Variants in OGFRL1 observed in about 807,000 individuals in gnomAD.
The protein encoded by OGFRL1 is opioid growth factor receptor-like protein 1.
OGFRL1 carries 26 observed loss-of-function variants against 32.4 expected under a neutral mutation model. The observed-to-expected ratio is 0.80, with a 90% CI of 0.59 to 1.11. OGFRL1 has a LOEUF of 1.11. Among genes scored for constraint, OGFRL1 ranks in the 50% most tolerant of loss-of-function variants. The pLI is 0.00. For missense variants in OGFRL1, 521 were observed against 546.4 expected, an observed-to-expected ratio of 0.95 and a Z score of 0.46; for synonymous variants, 211 against 201.2, an observed-to-expected ratio of 1.05 and a Z score of -0.41.
chr6:71,301,344 A>G, intron 6 of OGFRL1, 42 bp from the exon 7 acceptor site: 6 of 1,470,978 alleles, frequency 4.1e-6, no homozygotes, highest in South Asian at 1.4e-5. Flanking sequence ...GCCTTCCTAC[A>G]CCTGATTTCC....
intron 6 of OGFRL1, among the ~76,000 whole-genome samples, chr6:71,298,273 T>C (rs2149355052): frequency 6.6e-6 from 1 of 152,198 alleles, no homozygotes; most frequent in South Asian, 2.1e-4. Context: ...ACAGAGTTTC[T>C]AAACACTTAT....
chr6:71,296,975 T>TAAAAC (rs1766231181), intron 6 of OGFRL1, among the ~76,000 whole-genome samples, 158 bp downstream of exon 6: 1 of 152,072 alleles, frequency 6.6e-6, no homozygotes, highest in Non-Finnish European at 1.5e-5. Flanking sequence ...TACCACATTC[T>TAAAAC]AAAACAAAAC....
In OGFRL1 at chr6:71,302,148, C is replaced by A; in HGVS notation, c.*99C>A. ...AGATGAGGTCAATTTCAAATTTTAG[C>A]CATCTGTTTGTGATTTCTGTCATAA... On this transcript the variant is annotated 3_prime_UTR_variant, in exon 7 of 7. Transcript: ENST00000370435. The A allele has an allele frequency of 9.2e-7, 1 of 1,085,704 alleles. No individual in the cohort carries two copies. Among genetic ancestry groups the A allele is most frequent in the Non-Finnish European group, 1.3e-6 (1 of 799,310 alleles). 67.3% of individuals were successfully genotyped at this position (1,085,704 alleles called of 1,614,324 possible). A position where few individuals can be genotyped will look rare whatever the true frequency, so the allele number is the denominator to read the frequency against.
intron 1 of OGFRL1, among the ~76,000 whole-genome samples, chr6:71,290,303 T>G (rs1472817054): frequency 6.6e-6 from 1 of 152,182 alleles, no homozygotes; most frequent in Non-Finnish European, 1.5e-5. Context: ...CTTGGACCTG[T>G]GGAATTCTGA....
intron 6 of OGFRL1, among the ~76,000 whole-genome samples, chr6:71,299,762 C>G (rs1352845813): frequency 6.6e-6 from 1 of 152,132 alleles, no homozygotes; most frequent in Non-Finnish European, 1.5e-5. Context: ...TAACTGTACC[C>G]AAATTTGTAT....
At chr6:71,292,950 C>T (rs923733120) in intron 1 of OGFRL1, among the ~76,000 whole-genome samples, 1 of 152,130 alleles carries the variant, frequency 6.6e-6, no homozygotes, top group African/African-American at 2.4e-5. Flanking sequence ...GAATCACTTG[C>T]ATAATCATCT....
At chr6:71,297,792 A>G (rs1249518826) in intron 6 of OGFRL1, among the ~76,000 whole-genome samples, 2 of 151,472 alleles carry the variant, frequency 1.3e-5, no homozygotes, top group African/African-American at 2.4e-5. Flanking sequence ...GGGTATAAAT[A>G]TATATATTTT....
At position 71,301,534 on chromosome 6, in the gene OGFRL1, G is replaced by C; in HGVS notation, c.841G>C (p.Glu281Gln). Reference sequence around the variant, plus strand: ...TCCCAATATTAAGCAGAGTGCTCTAGAGTATTTTGTTTATACAATTAGAGA... The same window carrying C: ...TCCCAATATTAAGCAGAGTGCTCTACAGTATTTTGTTTATACAATTAGAGA... ...TIPNIKQSAL[E>Q]YFVYTIRDRR... Residue 281 changes from glutamate to glutamine, a missense_variant, in exon 7 of 7, where the codon GAG becomes CAG. Physicochemically the swap from Glu to Gln is conservative, Grantham distance 29. Coordinates refer to ENST00000370435, the MANE Select transcript of OGFRL1 (RefSeq NM_024576.5). 1 of 1,614,112 alleles carries C rather than the reference G, an allele frequency of 6.2e-7. No individual in the cohort carries two copies. Among genetic ancestry groups the C allele is most frequent in the Non-Finnish European group, 8.5e-7 (1 of 1,180,024 alleles).
At position 71,293,367 on chromosome 6, in the gene OGFRL1, A is replaced by ACACCAGTAC. The variant is rs1561946841; in HGVS notation, c.311_319dup (p.His104_Tyr106dup). ...CTGCCAGGGATTTGTACAAGTACCG[A>ACACCAGTAC]CACCAGTACCCAGTAAGAGTATAGA... On this transcript the variant is annotated inframe_insertion, in exon 2 of 7. Coordinates refer to ENST00000370435, the MANE Select transcript of OGFRL1 (RefSeq NM_024576.5). 4.3e-6 allele frequency: 7 copies of ACACCAGTAC among 1,613,746 alleles called. No individual in the cohort carries two copies. Among genetic ancestry groups the ACACCAGTAC allele is most frequent in the Non-Finnish European group, 5.9e-6 (7 of 1,179,766 alleles).
Position 71,289,059 on chromosome 6 carries a change from G to T in OGFRL1, c.123G>T (p.Glu41Asp), listed in dbSNP as rs777724784. 2.1e-5 allele frequency: 27 copies of T among 1,267,048 alleles called. 1 individual carries two copies. In the Admixed American group the frequency reaches 7.2e-4, roughly 34 times the overall value. The allele number at this position is 1,267,048 out of a possible 1,614,324, so 78.5% of individuals were successfully genotyped here. ...PEEPGPGGGS[E>D]GPGQESEQPA... ...AACCAGGGCCGGGCGGCGGCAGCGAGGGCCCGGGGCAGGAGTCCGAGCAGC... is the reference window on the plus strand; with the variant it reads ...AACCAGGGCCGGGCGGCGGCAGCGATGGCCCGGGGCAGGAGTCCGAGCAGC... The change falls in exon 1 of 7, where the codon GAG (glutamate) becomes GAT (aspartate). Residue 41 changes from glutamate to aspartate, a missense_variant. Physicochemically the swap from Glu to Asp is conservative, Grantham distance 45 (BLOSUM62 2). Coordinates refer to ENST00000370435, the MANE Select transcript of OGFRL1 (RefSeq NM_024576.5).
chr6:71,299,622 T>G (rs1199640723), intron 6 of OGFRL1, among the ~76,000 whole-genome samples: 1 of 152,160 alleles, frequency 6.6e-6, no homozygotes, highest in Non-Finnish European at 1.5e-5. Context: ...TTCCACCTTT[T>G]TATACATCTT....
At chr6:71,289,703 A>G in intron 1 of OGFRL1, 1 of 985,292 alleles carries the variant, frequency 1.0e-6, no homozygotes, top group Non-Finnish European at 1.2e-6. Context: ...TGCCCAACTC[A>G]GGCCTTTCAA....
chr6:71,289,336 C>T (rs1765966052), intron 1 of OGFRL1, 166 bp downstream of exon 1: 1 of 972,260 alleles, frequency 1.0e-6, no homozygotes, highest in Non-Finnish European at 1.2e-6. Context: ...CGGTGGAGCC[C>T]GGGGGCCTGC....
intron 2 of OGFRL1, 27 bp from the exon 3 acceptor site, chr6:71,293,506 A>T: frequency 6.3e-7 from 1 of 1,592,230 alleles, no homozygotes; most frequent in Non-Finnish European, 8.6e-7. Context: ...TATGTGCTGG[A>T]GATTGATTTA....
chr6:71,298,595 G>T (rs987404810), intron 6 of OGFRL1, among the ~76,000 whole-genome samples: 2 of 152,030 alleles, frequency 1.3e-5, no homozygotes, highest in African/African-American at 4.8e-5. Flanking sequence ...TGATTTCCAG[G>T]GTTGAGGCAG....
chr6:71,292,772 T>G (rs1766088814), intron 1 of OGFRL1, among the ~76,000 whole-genome samples: 1 of 152,172 alleles, frequency 6.6e-6, no homozygotes, highest in Non-Finnish European at 1.5e-5. Context: ...AAGGATGGAG[T>G]TTAGAAAGCT....
Position 71,301,830 on chromosome 6 carries a change from GC to G in OGFRL1, c.1140del (p.Ser381AlafsTer23), listed in dbSNP as rs754629854. The G allele has an allele frequency of 6.2e-7, 1 of 1,613,038 alleles. No homozygotes were observed. The highest frequency in any genetic ancestry group is 1.7e-5 in the Admixed American group (1 of 59,782). ...AAGAGCCTGTGGAAGAGACAGACAG[GC>G]CCAGCCCAGAGCCCAGCAATGAAGC... The part of the protein sequence containing the change: ...PKEPVEETDR[P>X]SPEPSNEAAK... On this transcript the variant is annotated frameshift_variant, in exon 7 of 7. Coordinates refer to ENST00000370435, the MANE Select transcript of OGFRL1 (RefSeq NM_024576.5). LOFTEE classifies it low-confidence loss of function (END_TRUNC).
At chr6:71,293,506 A>G (rs757934058) in intron 2 of OGFRL1, 27 bp from the exon 3 acceptor site, 2 of 1,592,114 alleles carry the variant, frequency 1.3e-6, no homozygotes, top group African/African-American at 1.3e-5. Context: ...TATGTGCTGG[A>G]GATTGATTTA....
intron 1 of OGFRL1, chr6:71,289,852 A>C: frequency 1.0e-6 from 1 of 975,426 alleles, no homozygotes; most frequent in South Asian, 4.7e-5. Context: ...GATGGACTGA[A>C]AATAATCAGG....
Sources: gnomAD v4.1 joint callset for allele counts (sites outside exome capture counted in the v4.1 genomes callset) on GRCh38, gnomAD v4.1.1 for gene constraint, MANE v1.5 for transcripts, NCBI Gene and HGNC (gene_info 2026-07-23, HGNC 2026-07-21) for gene names.